The following METTL15 variants were observed in gnomAD, a reference collection of about 807,000 sequenced individuals.
The protein encoded by METTL15 is methyltransferase 15, mitochondrial 12S rRNA N4-cytidine, also known as 12S rRNA N(4)-cytidine methyltransferase METTL15.
In METTL15, 34 loss-of-function variants were observed where a neutral mutation model predicts 38.3. The observed-to-expected ratio is 0.89, with a 90% confidence interval of 0.68 to 1.18. The LOEUF (loss-of-function observed/expected upper bound fraction) is 1.18, where lower values mean the gene tolerates loss of function less well. Among genes scored for constraint, METTL15 ranks in the 50% most tolerant of loss-of-function variants. METTL15 has a pLI of 0.00. For synonymous variants in METTL15, 162 were observed against 170.9 expected (o/e 0.95, Z 0.41); for missense variants, 438 against 498.4 (o/e 0.88, Z 1.15).
chr11:28,142,043 C>T (rs189474022), intron 3 of METTL15, among the ~76,000 whole-genome samples: 52 of 152,188 alleles, frequency 3.4e-4, no homozygotes, highest in Admixed American at 7.8e-4. Context: ...TTCTCTCAGT[C>T]GTATTATTTG....
chr11:28,215,078 T>A (rs1304156464), intron 4 of METTL15, among the ~76,000 whole-genome samples: 1 of 152,166 alleles, frequency 6.6e-6, no homozygotes, highest in African/African-American at 2.4e-5. Flanking sequence ...TTCAATAAAG[T>A]ATGGAGAGCA....
intron 4 of METTL15, among the ~76,000 whole-genome samples, chr11:28,265,123 A>G (rs1855360751): frequency 6.6e-6 from 1 of 152,100 alleles, no homozygotes; most frequent in African/African-American, 2.4e-5. Flanking sequence ...CAAATTATGA[A>G]AGATGGCTGC....
intron 4 of METTL15, among the ~76,000 whole-genome samples, chr11:28,357,022 A>T (rs543902980): frequency 6.6e-6 from 1 of 152,284 alleles, no homozygotes; most frequent in East Asian, 1.9e-4. Context: ...GCATATCCAG[A>T]ACCTCACAGT....
Position 28,514,253 on chromosome 11 carries a change from G to A in METTL15, c.*425-12225G>A, listed in dbSNP as rs75071064. 8.0e-3 allele frequency among the ~76,000 whole-genome samples: 1,215 copies of A among 152,250 alleles called. 24 individuals are homozygous for A. The highest frequency in any genetic ancestry group is 0.027 in the African/African-American group (1,140 of 41,528). On this transcript the variant is annotated intron_variant and NMD_transcript_variant, in intron 6 of 7. Coordinates refer to the METTL15 transcript ENST00000532947. The stretch of plus-strand genomic sequence containing the variant: ...GCCAATCAACATATGCCATCTACCC[G>A]ACCAAGTTAGTCAAGTCAGAACCTG...
chr11:28,509,347 A>T (rs935947533), intron 6 of METTL15, among the ~76,000 whole-genome samples: 5 of 152,236 alleles, frequency 3.3e-5, no homozygotes, highest in Non-Finnish European at 4.4e-5. Context: ...GGAAGCCAGC[A>T]TAGTGCTTAG....
intron 6 of METTL15, among the ~76,000 whole-genome samples, chr11:28,495,072 A>G (rs1387258412): frequency 6.6e-6 from 1 of 152,200 alleles, no homozygotes; most frequent in African/African-American, 2.4e-5. Context: ...TATTCATCAA[A>G]TATCTATTGT....
chr11:28,243,474 A>T (rs1854386089), intron 4 of METTL15, among the ~76,000 whole-genome samples: 4 of 152,164 alleles, frequency 2.6e-5, no homozygotes, highest in Admixed American at 2.6e-4. Context: ...TTCCTACCTG[A>T]TTTAATAAAA....
intron 3 of METTL15, among the ~76,000 whole-genome samples, chr11:28,208,741 T>C (rs1018161085): frequency 2.0e-5 from 3 of 151,646 alleles, no homozygotes; most frequent in Admixed American, 2.0e-4. Flanking sequence ...TTCAGTTGCT[T>C]TTTTTATTTG....
At chr11:28,436,903 G>A (rs1470387137) in intron 6 of METTL15, among the ~76,000 whole-genome samples, 1 of 152,196 alleles carries the variant, frequency 6.6e-6, no homozygotes, top group Non-Finnish European at 1.5e-5. Context: ...GGGAGAGGCA[G>A]ACCCATCCTC....
chr11:28,328,307 A>G, intron 6 of METTL15: 1 of 689,788 alleles, frequency 1.4e-6, no homozygotes, highest in Admixed American at 3.6e-5. Flanking sequence ...GAACCATCAC[A>G]CTGATTTGGT....
chr11:28,230,334 A>T (rs1853637194), intron 4 of METTL15, among the ~76,000 whole-genome samples: 1 of 151,964 alleles, frequency 6.6e-6, no homozygotes, highest in South Asian at 2.1e-4. Flanking sequence ...TTCAAAACTG[A>T]TTCATGAAAG....
At chr11:28,481,024 G>A (rs895271535) in intron 6 of METTL15, among the ~76,000 whole-genome samples, 8 of 152,038 alleles carry the variant, frequency 5.3e-5, no homozygotes, top group East Asian at 1.9e-4. Context: ...AAAGAATAAC[G>A]TATTATTTTC....
At chr11:28,377,307 T>C (rs1421557503) in intron 5 of METTL15, among the ~76,000 whole-genome samples, 2 of 151,992 alleles carry the variant, frequency 1.3e-5, no homozygotes, top group African/African-American at 4.8e-5. Context: ...CAATCAGACA[T>C]AGATTTGGTC....
chr11:28,401,583 T>A lies in METTL15; in HGVS notation c.*359-22716T>A, dbSNP rs540857257. ...TTTCGATGAGGATTGTAAGCAGCAA[T>A]ACCAGCGAAGCCCATACTAGCCCAC... On this transcript the variant is annotated intron_variant and NMD_transcript_variant, in intron 5 of 7. Coordinates refer to the METTL15 transcript ENST00000532947. Among the ~76,000 whole-genome samples, 11 of 152,058 alleles carry A rather than the reference T, an allele frequency of 7.2e-5. No individual in the cohort carries two copies. In the South Asian group the frequency reaches 2.3e-3, roughly 31 times the overall value.
chr11:28,436,808 A>G (rs1850985930), intron 6 of METTL15, among the ~76,000 whole-genome samples: 1 of 152,036 alleles, frequency 6.6e-6, no homozygotes, highest in South Asian at 2.1e-4. Flanking sequence ...TGTCAACTTG[A>G]TTGGATTGAA....
intron 3 of METTL15, among the ~76,000 whole-genome samples, chr11:28,171,358 C>G (rs1420083225): frequency 2.0e-5 from 3 of 152,006 alleles, no homozygotes; most frequent in African/African-American, 7.2e-5. Context: ...GCCTTTGTTT[C>G]TTATTTCCAT....
Position 28,475,473 on chromosome 11 carries a change from A to G in METTL15, c.*425-51005A>G, listed in dbSNP as rs1265768709. ...CTTCAGGAAAATAGAAAACTAGAAA[A>G]TGATTTGTCTGGTCATGGTCTCGTG... On this transcript the variant is annotated intron_variant and NMD_transcript_variant, in intron 6 of 7. Transcript: ENST00000532947. Among the ~76,000 whole-genome samples the G allele has an allele frequency of 2.0e-5, 3 of 152,198 alleles. No homozygotes were observed. The East Asian group carries it at 5.8e-4, about 29-fold the overall frequency.
intron 5 of METTL15, among the ~76,000 whole-genome samples, chr11:28,405,140 A>G (rs1850663317): frequency 6.6e-6 from 1 of 152,170 alleles, no homozygotes; most frequent in Admixed American, 6.6e-5. Context: ...AAACTAGCTA[A>G]TGGCAAAGCT....
At chr11:28,518,725 A>C (rs906328282) in intron 6 of METTL15, among the ~76,000 whole-genome samples, 4 of 152,206 alleles carry the variant, frequency 2.6e-5, no homozygotes, top group Non-Finnish European at 4.4e-5. Flanking sequence ...TTGAAAACTG[A>C]ATTAGAAATC....
Sources: allele counts gnomAD v4.1 joint callset (sites outside exome capture counted in the v4.1 genomes callset), GRCh38; gene constraint gnomAD v4.1.1; transcripts MANE v1.5; gene names NCBI Gene and HGNC (gene_info 2026-07-23, HGNC 2026-07-21).